ACOXL: variants seen among roughly 807,000 people sequenced by gnomAD.
ACOXL encodes acyl-CoA oxidase like, also known as acyl-coenzyme A oxidase-like protein.
Under a neutral mutation model 71.9 loss-of-function variants are expected in ACOXL, and 70 were observed. The observed-to-expected ratio is 0.97, with a 90% confidence interval of 0.80 to 1.19. ACOXL has a LOEUF of 1.19. Among genes scored for constraint, ACOXL ranks in the 50% most tolerant of loss-of-function variants. ACOXL has a pLI of 0.00. For synonymous variants in ACOXL, 253 were observed against 281.6 expected, an observed-to-expected ratio of 0.90 and a Z score of 1.02; for missense variants, 703 against 736.3, an observed-to-expected ratio of 0.95 and a Z score of 0.52.
rs139153935 is a variant in ACOXL, at chr2:110,995,154, T to G, written c.1170-739T>G. Among the ~76,000 whole-genome samples, 484 of 152,036 alleles carry G rather than the reference T, an allele frequency of 3.2e-3. 2 individuals carry two copies. Among genetic ancestry groups the G allele is most frequent in the Non-Finnish European group, 5.7e-3 (389 of 67,978 alleles). ...CCAGCAGTGGTTATTATAAACTCAC[T>G]TGATAGAGCTGTATAGTGGTTGAGT... is the stretch of plus-strand genomic sequence containing the variant. On this transcript the variant is annotated intron_variant, in intron 13 of 17. Coordinates refer to ENST00000439055, the MANE Select transcript of ACOXL (RefSeq NM_001142807.4).
At chr2:110,877,869 G>T (rs748983416) in intron 10 of ACOXL, among the ~76,000 whole-genome samples, 1 of 152,214 alleles carries the variant, frequency 6.6e-6, no homozygotes, top group Non-Finnish European at 1.5e-5. Context: ...GCCATGATGC[G>T]TTGCATCTGG....
At chr2:111,084,041 T>A (rs1473664413) in intron 16 of ACOXL, among the ~76,000 whole-genome samples, 1 of 151,926 alleles carries the variant, frequency 6.6e-6, no homozygotes, top group African/African-American at 2.4e-5. Flanking sequence ...AAAATGTGAT[T>A]TGGGGCCAGG....
At chr2:110,770,476 C>T (rs1006443863) in intron 2 of ACOXL, among the ~76,000 whole-genome samples, 3 of 152,242 alleles carry the variant, frequency 2.0e-5, no homozygotes, top group African/African-American at 7.2e-5. Context: ...GACAAGGGCG[C>T]TGCAGTGTCA....
intron 14 of ACOXL, among the ~76,000 whole-genome samples, chr2:111,025,346 G>A (rs1429607503): frequency 2.0e-5 from 3 of 152,126 alleles, no homozygotes; most frequent in East Asian, 1.9e-4. Context: ...TGTAAATACC[G>A]AGGGGTGGAA....
At chr2:110,860,673 A>G (rs1256186884) in intron 10 of ACOXL, among the ~76,000 whole-genome samples, 1 of 152,214 alleles carries the variant, frequency 6.6e-6, no homozygotes, top group East Asian at 1.9e-4. Context: ...GGGGTACCCA[A>G]GAGCCTTCCT....
chr2:110,801,532 A>G (rs1246702593), intron 7 of ACOXL, 120 bp from the exon 8 acceptor site: 1 of 847,058 alleles, frequency 1.2e-6, no homozygotes, highest in Non-Finnish European at 1.9e-6. Context: ...CCCAAGGAAA[A>G]AGCACCAACA....
intron 12 of ACOXL, among the ~76,000 whole-genome samples, chr2:110,959,944 C>T (rs563196907): frequency 2.6e-5 from 4 of 152,232 alleles, no homozygotes; most frequent in African/African-American, 7.2e-5. Context: ...TACCCAAGGC[C>T]ACAGGTGATC....
intron 7 of ACOXL, 86 bp downstream of exon 7, chr2:110,799,186 T>A: frequency 7.3e-7 from 1 of 1,370,588 alleles, no homozygotes; most frequent in Non-Finnish European, 1.0e-6. Context: ...TACGTTATAT[T>A]ACCGAAGCAC....
intron 10 of ACOXL, chr2:110,887,192 G>C (rs1041014963): frequency 1.6e-5 from 4 of 256,180 alleles, no homozygotes; most frequent in African/African-American, 8.7e-5. Context: ...TATGGAAAGT[G>C]AAAATTGGCT....
chr2:110,768,356 T>C lies in ACOXL; in HGVS notation c.-22-12T>C, dbSNP rs372449986. 1.2e-6 allele frequency: 2 copies of C among 1,610,074 alleles called. No homozygotes were observed. Among genetic ancestry groups the C allele is most frequent in the Non-Finnish European group, 1.7e-6 (2 of 1,176,806 alleles). Reference sequence around the variant, plus strand: ...ATTATTGGCTGTCTTATTTTGTATCTGTTCTTCACAGGTATGATTTAAGCT... The same window carrying C: ...ATTATTGGCTGTCTTATTTTGTATCCGTTCTTCACAGGTATGATTTAAGCT... On this transcript the variant is annotated splice_polypyrimidine_tract_variant and intron_variant, in intron 1 of 17. Transcript: ENST00000439055.
chr2:110,929,108 G>A (rs2060388721), intron 11 of ACOXL, among the ~76,000 whole-genome samples: 1 of 152,246 alleles, frequency 6.6e-6, no homozygotes, highest in Non-Finnish European at 1.5e-5. Flanking sequence ...TGGGTAATAG[G>A]TAGAGGTTGG....
chr2:110,934,237 T>C (rs990403460), intron 12 of ACOXL, among the ~76,000 whole-genome samples: 2 of 151,604 alleles, frequency 1.3e-5, no homozygotes, highest in Admixed American at 1.3e-4. Flanking sequence ...CATGCGGGGG[T>C]CCAGAGCCCA....
intron 15 of ACOXL, among the ~76,000 whole-genome samples, chr2:111,047,511 G>T (rs1174772784): frequency 6.6e-6 from 1 of 152,226 alleles, no homozygotes; most frequent in South Asian, 2.1e-4. Context: ...AGTAGTCAGA[G>T]ATCAATATGT....
At chr2:110,793,793 G>A (rs1453756618) in intron 4 of ACOXL, 57 bp downstream of exon 4, 4 of 1,323,504 alleles carry the variant, frequency 3.0e-6, no homozygotes, top group African/African-American at 1.5e-5. Flanking sequence ...ATCTGTAGTA[G>A]ATAGATATGC....
intron 16 of ACOXL, among the ~76,000 whole-genome samples, chr2:111,078,138 T>G (rs2067696008): frequency 6.8e-6 from 1 of 146,826 alleles, no homozygotes; most frequent in Admixed American, 6.9e-5. Context: ...ATTTCTATTA[T>G]TCTATCTTCT....
chr2:110,793,118 T>C (rs573286961), intron 3 of ACOXL, among the ~76,000 whole-genome samples: 2 of 152,302 alleles, frequency 1.3e-5, no homozygotes, highest in South Asian at 2.1e-4. Context: ...GGCTACAATG[T>C]CATTTGTCCA....
chr2:110,737,776 A>G (rs1237054746), intron 1 of ACOXL, among the ~76,000 whole-genome samples: 2 of 152,156 alleles, frequency 1.3e-5, no homozygotes, highest in African/African-American at 4.8e-5. Flanking sequence ...TTCAGTCCGG[A>G]TGGGCTCTTC....
At chr2:111,080,745 T>G (rs1354050195) in intron 16 of ACOXL, among the ~76,000 whole-genome samples, 3 of 152,202 alleles carry the variant, frequency 2.0e-5, no homozygotes, top group Admixed American at 6.5e-5. Flanking sequence ...CCAATATCCC[T>G]GATGAACAAT....
intron 12 of ACOXL, among the ~76,000 whole-genome samples, chr2:110,984,833 C>T (rs1395838104): frequency 6.6e-6 from 1 of 152,192 alleles, no homozygotes; most frequent in East Asian, 1.9e-4. Flanking sequence ...AGGGTGAGTC[C>T]TCGCCTCTGG....
Sources: gnomAD v4.1 joint callset for allele counts (sites outside exome capture counted in the v4.1 genomes callset) on GRCh38, gnomAD v4.1.1 for gene constraint, MANE v1.5 for transcripts, NCBI Gene and HGNC (gene_info 2026-07-23, HGNC 2026-07-21) for gene names.